Variants in PPFIA2 observed in about 807,000 individuals in gnomAD.
PPFIA2 encodes PPFI scaffold protein A2.
A neutral mutation model predicts 175.5 loss-of-function variants in PPFIA2; 46 were observed. The ratio of observed to expected loss-of-function variants is 0.26; its 90% CI spans 0.21 to 0.34. The LOEUF (loss-of-function observed/expected upper bound fraction) is 0.34, where lower values mean the gene tolerates loss of function less well. Among genes scored for constraint, PPFIA2 ranks in the 10% least tolerant of loss-of-function variants. The pLI, the probability that PPFIA2 is intolerant of heterozygous loss-of-function variation, is 1.00. For synonymous variants in PPFIA2, 568 were observed against 511.4 expected (o/e 1.11, Z -1.49); for missense variants, 1,179 against 1,506.1 (o/e 0.78, Z 3.60).
In PPFIA2 at chr12:81,263,331, T is replaced by C. The variant is rs1408446806; in HGVS notation, c.3615A>G (p.Glu1205=). The C allele has an allele frequency of 6.2e-7, 1 of 1,612,942 alleles. No homozygotes were observed. Among genetic ancestry groups the C allele is most frequent in the Non-Finnish European group, 8.5e-7 (1 of 1,178,964 alleles). The change falls in exon 31 of 33, where the codon GAA becomes GAG. Residue 1205 remains glutamate, a synonymous_variant. Transcript: ENST00000549396. The part of the protein sequence containing the change: ...STWRRQFPPR[E]VHGISMMPGS... The stretch of plus-strand genomic sequence containing the variant: ...CAGGCATCATGCTGATTCCATGTAC[T>C]TCACGAGGAGGAAACTGCCTTCTCC...
intron 7 of PPFIA2, chr12:81,431,104 T>C (rs1285841284): frequency 6.6e-6 from 1 of 152,212 alleles, no homozygotes; most frequent in Non-Finnish European, 1.5e-5. Context: ...CACTTGCCAG[T>C]TCTTTTTATG....
At chr12:81,482,910 A>G (rs1351978944) in intron 4 of PPFIA2, among the ~76,000 whole-genome samples, 2 of 152,136 alleles carry the variant, frequency 1.3e-5, no homozygotes, top group African/African-American at 4.8e-5. Context: ...CTGGGATCAC[A>G]AAGAATAAAC....
At chr12:81,378,663 T>G (rs953641561) in intron 9 of PPFIA2, among the ~76,000 whole-genome samples, 1 of 152,118 alleles carries the variant, frequency 6.6e-6, no homozygotes. Flanking sequence ...CTGGGAAAAT[T>G]TTGTGGTCTG....
chr12:81,680,477 TCAC>T (rs1004523767), intron 3 of PPFIA2, among the ~76,000 whole-genome samples: 2 of 151,986 alleles, frequency 1.3e-5, no homozygotes, highest in African/African-American at 4.8e-5. Context: ...GTGAACAGTT[TCAC>T]CCTGGTACCC....
At chr12:81,719,022 T>C (rs1333073576) in intron 3 of PPFIA2, among the ~76,000 whole-genome samples, 1 of 151,698 alleles carries the variant, frequency 6.6e-6, no homozygotes, top group Non-Finnish European at 1.5e-5. Flanking sequence ...CAAAATATTT[T>C]ATGTTTAAAT....
intron 5 of PPFIA2, among the ~76,000 whole-genome samples, chr12:81,448,066 A>G (rs2051666093): frequency 6.6e-6 from 1 of 152,176 alleles, no homozygotes; most frequent in African/African-American, 2.4e-5. Flanking sequence ...TAAACATATC[A>G]GCATCCAATT....
chr12:81,494,915 A>G (rs1385281118), intron 4 of PPFIA2, among the ~76,000 whole-genome samples: 1 of 122,518 alleles, frequency 8.2e-6, no homozygotes, highest in Non-Finnish European at 1.6e-5. Flanking sequence ...AGACACAGGA[A>G]GGGGAACATC....
At chr12:81,738,719 ATAG>A (rs962279256) in intron 3 of PPFIA2, among the ~76,000 whole-genome samples, 3 of 151,866 alleles carry the variant, frequency 2.0e-5, no homozygotes, top group Non-Finnish European at 4.4e-5. Flanking sequence ...CCTTGGTAAA[ATAG>A]TAGACTAAAT....
At chr12:81,265,397 G>A (rs3794325) in intron 30 of PPFIA2, among the ~76,000 whole-genome samples, 103,822 of 151,478 alleles carry the variant, frequency 0.69, 36,073 homozygotes, top group Non-Finnish European at 0.76. Context: ...GCAGAAAGTT[G>A]ATAGAACTAT....
intron 9 of PPFIA2, among the ~76,000 whole-genome samples, chr12:81,380,962 CTGTGTGTG>C (rs71098139): frequency 0.051 from 7,008 of 137,408 alleles, 239 homozygotes; most frequent in Admixed American, 0.1. Context: ...TTTCACAGTG[CTGTGTGTG>C]TGTGTGTGTG....
chr12:81,683,440 C>A (rs1252596560), intron 3 of PPFIA2, among the ~76,000 whole-genome samples: 6 of 151,954 alleles, frequency 3.9e-5, no homozygotes. Context: ...GCCCAACTAT[C>A]CATTTAAATT....
intron 3 of PPFIA2, among the ~76,000 whole-genome samples, chr12:81,711,776 C>G (rs1265611764): frequency 6.7e-6 from 1 of 149,776 alleles, no homozygotes; most frequent in Non-Finnish European, 1.5e-5. Flanking sequence ...ATGGGCTATA[C>G]TTACATTTTT....
intron 3 of PPFIA2, among the ~76,000 whole-genome samples, chr12:81,751,611 AAG>A (rs199650451): frequency 5.3e-5 from 8 of 150,384 alleles, no homozygotes; most frequent in African/African-American, 1.7e-4. Context: ...GTAAGAGAGA[AAG>A]AGAGAGAGAG....
At chr12:81,565,769 C>T (rs190837707) in intron 4 of PPFIA2, among the ~76,000 whole-genome samples, 1 of 152,142 alleles carries the variant, frequency 6.6e-6, no homozygotes, top group East Asian at 1.9e-4. Context: ...ATAAGGAAAT[C>T]AAATGCCTAG....
intron 3 of PPFIA2, among the ~76,000 whole-genome samples, chr12:81,721,537 G>T (rs1250945027): frequency 3.3e-5 from 5 of 150,840 alleles, no homozygotes; most frequent in Non-Finnish European, 7.4e-5. Flanking sequence ...CCAGTGATTA[G>T]CTATCTGCTA....
chr12:81,386,180 A>T (rs1262956592), intron 8 of PPFIA2, among the ~76,000 whole-genome samples: 1 of 151,560 alleles, frequency 6.6e-6, no homozygotes, highest in African/African-American at 2.4e-5. Flanking sequence ...CAAGAGGCTG[A>T]GGCAAAAGGA....
intron 22 of PPFIA2, among the ~76,000 whole-genome samples, chr12:81,314,510 T>C (rs116568254): frequency 6.6e-6 from 1 of 151,892 alleles, no homozygotes; most frequent in Non-Finnish European, 1.5e-5. Context: ...CAGATCCAAT[T>C]ATTGACATTA....
chr12:81,494,713 T>G (rs1379883644), intron 4 of PPFIA2, among the ~76,000 whole-genome samples: 22 of 151,784 alleles, frequency 1.4e-4, no homozygotes, highest in African/African-American at 3.9e-4. Flanking sequence ...AACAACAATA[T>G]ACTGGATTAA....
chr12:81,447,453 C>A (rs967834138), intron 5 of PPFIA2, among the ~76,000 whole-genome samples: 1 of 152,178 alleles, frequency 6.6e-6, no homozygotes, highest in Non-Finnish European at 1.5e-5. Context: ...GCCCAAAGCA[C>A]TCCTTCTTTG....
Sources: allele counts gnomAD v4.1 joint callset (sites outside exome capture counted in the v4.1 genomes callset), GRCh38; gene constraint gnomAD v4.1.1; transcripts MANE v1.5; gene names NCBI Gene and HGNC (gene_info 2026-07-23, HGNC 2026-07-21).